NT5C1B: variants seen among roughly 807,000 people sequenced by gnomAD.
The protein encoded by NT5C1B is cytosolic 5'-nucleotidase 1B.
A neutral mutation model predicts 57.8 loss-of-function variants in NT5C1B; 44 were observed. That is an observed-to-expected ratio of 0.76 (90% confidence interval 0.60 to 0.98). The LOEUF is 0.98. Ranked by LOEUF, NT5C1B falls within the 50% of genes least tolerant of loss-of-function variation. The pLI is 0.00. For missense variants in NT5C1B, 742 were observed against 719.5 expected (o/e 1.03, Z -0.36); for synonymous variants, 284 against 282.6 (o/e 1.00, Z -0.05).
exon 9 of NT5C1B, chr2:18,563,974 A>C: frequency 6.2e-7 from 1 of 1,614,176 alleles, no homozygotes; most frequent in Non-Finnish European, 8.5e-7. Context: ...CCAGCGTCGA[A>C]GGGTCTTCAG....
In NT5C1B at chr2:18,584,316, G is replaced by T. The variant is rs1156605976; in HGVS notation, c.724-61C>A. 2 of 1,584,356 alleles carry T rather than the reference G, an allele frequency of 1.3e-6. No homozygotes were observed. The highest frequency in any genetic ancestry group is 1.7e-6 in the Non-Finnish European group (2 of 1,165,110). ...TAGCCACGAAGAGGACAGGGTTGGG[G>T]CTCCTCCAGGGTAGGGTGAGAGTAG... On this transcript the variant is annotated intron_variant, in intron 4 of 8. Transcript: ENST00000304081. The surrounding 1 kb of genome is among the most constrained non-coding windows in gnomAD (Gnocchi z 5.8).
At position 18,584,048 on chromosome 2, in the gene NT5C1B, A is replaced by C; in HGVS notation, c.891+40T>G. ...GGTTGGCCTGGGTCCCTCCCTCGCC[A>C]TCGAGTGTCCTGGCGGGCCAAAGAC... is the stretch of plus-strand genomic sequence containing the variant. On this transcript the variant is annotated intron_variant, in intron 5 of 8. Coordinates refer to ENST00000304081, the Ensembl canonical transcript of NT5C1B. This position sits in a 1 kb window ranked among gnomAD's most constrained non-coding sequence, Gnocchi z 5.8. 1 of 1,614,176 alleles carries C rather than the reference A, an allele frequency of 6.2e-7. No individual in the cohort carries two copies. The highest frequency in any genetic ancestry group is 8.5e-7 in the Non-Finnish European group (1 of 1,180,010).
chr2:18,571,718 G>GTATATATA (rs59799495), intron 8 of NT5C1B, among the ~76,000 whole-genome samples: 76 of 111,416 alleles, frequency 6.8e-4, no homozygotes, highest in East Asian at 6.2e-3. Flanking sequence ...CTGTGTGTGT[G>GTATATATA]TATATATATA....
At chr2:18,582,538 C>T (rs1216857190) in intron 6 of NT5C1B, among the ~76,000 whole-genome samples, 1 of 152,172 alleles carries the variant, frequency 6.6e-6, no homozygotes. Context: ...TTTGATCACA[C>T]AGTAAAAGCC....
rs573473586 is a variant in NT5C1B, at chr2:18,575,596, G to A, written c.1329+588C>T. Among the ~76,000 whole-genome samples the A allele has an allele frequency of 5.9e-5, 9 of 152,034 alleles. No individual in the cohort carries two copies. In the South Asian group the frequency reaches 6.2e-4, roughly 11 times the overall value. ...AAAGTTATAGGTTCTGTTCATTTTCGACCTTGATTTTAACACTTCAGTTCA... is the reference window on the plus strand; with the variant it reads ...AAAGTTATAGGTTCTGTTCATTTTCAACCTTGATTTTAACACTTCAGTTCA... On this transcript the variant is annotated intron_variant, in intron 8 of 8. Transcript: ENST00000304081.
At chr2:18,586,728 C>T in intron 2 of NT5C1B, 1 of 607,664 alleles carries the variant, frequency 1.6e-6, no homozygotes, top group Non-Finnish European at 2.8e-6. Context: ...CGAGGATAAG[C>T]CTGTTAACAG....
In NT5C1B at chr2:18,586,383, T is replaced by C. The variant is rs147993928; in HGVS notation, c.129A>G (p.Gln43=). 67 of 1,614,058 alleles carry C rather than the reference T, an allele frequency of 4.2e-5. No individual in the cohort carries two copies. The African/African-American group carries it at 8.0e-4, about 19-fold the overall frequency. Residue 43 remains glutamine (Q), a synonymous_variant, in exon 3 of 9, where the codon CAA becomes CAG. Coordinates refer to ENST00000304081, the Ensembl canonical transcript of NT5C1B. ...AGTCTGTCTTCCGCAGTGATGATTC[T>C]TGTGATCCCTGTGATGGAAAGAAGA... is the stretch of plus-strand genomic sequence containing the variant.
At chr2:18,578,840 G>T (rs962261654) in intron 6 of NT5C1B, among the ~76,000 whole-genome samples, 1 of 152,134 alleles carries the variant, frequency 6.6e-6, no homozygotes, top group African/African-American at 2.4e-5. Context: ...AATAGAAAGA[G>T]AGGAAATCAG....
intron 6 of NT5C1B, among the ~76,000 whole-genome samples, chr2:18,580,890 A>G (rs1043343425): frequency 1.3e-5 from 2 of 152,212 alleles, no homozygotes; most frequent in Non-Finnish European, 2.9e-5. Context: ...CTAAACATTG[A>G]GTACACATGG....
intron 7 of NT5C1B, 85 bp downstream of exon 7, chr2:18,576,688 C>A: frequency 6.4e-7 from 1 of 1,574,122 alleles, no homozygotes; most frequent in Non-Finnish European, 8.6e-7. Flanking sequence ...AGACCATAAG[C>A]CTCATAATCA....
At chr2:18,576,683 A>T in intron 7 of NT5C1B, 90 bp downstream of exon 7, 1 of 1,565,278 alleles carries the variant, frequency 6.4e-7, no homozygotes, top group Non-Finnish European at 8.6e-7. Flanking sequence ...CAACAAGACC[A>T]TAAGCCTCAT....
intron 6 of NT5C1B, among the ~76,000 whole-genome samples, chr2:18,579,498 C>CATCT (rs1250784263): frequency 2.0e-5 from 3 of 152,248 alleles, no homozygotes; most frequent in Admixed American, 2.0e-4. Context: ...CACCTACAAC[C>CATCT]ATCTGATCTT....
At position 18,584,175 on chromosome 2, in the gene NT5C1B, C is replaced by T; in HGVS notation, c.804G>A (p.Glu268=). 6.2e-7 allele frequency: 1 copy of T among 1,614,128 alleles called. No individual in the cohort carries two copies. Among genetic ancestry groups the T allele is most frequent in the Non-Finnish European group, 8.5e-7 (1 of 1,180,034 alleles). The change falls in exon 5 of 9, where the codon GAG becomes GAA. Residue 268 remains glutamate (E), a synonymous_variant. Coordinates refer to ENST00000304081, the Ensembl canonical transcript of NT5C1B. The surrounding 1 kb of genome is among the most constrained non-coding windows in gnomAD (Gnocchi z 5.8). The stretch of plus-strand genomic sequence containing the variant: ...CCATGTACTTTTCCAGACCCTCTTG[C>T]TCGTAGATTTTCCTGCCGTCCACCA...
chr2:18,587,242 A>G (rs1263136142), intron 2 of NT5C1B: 12 of 1,532,772 alleles, frequency 7.8e-6, no homozygotes, highest in Non-Finnish European at 1.1e-5. Context: ...TTGAACAAAG[A>G]CCAGTCTCCC....
chr2:18,585,283 G>A (rs1572381151), intron 3 of NT5C1B: 1 of 640,870 alleles, frequency 1.6e-6, no homozygotes. Flanking sequence ...GCTGACACAT[G>A]GTTTGCAAAG....
In NT5C1B at chr2:18,584,657, G is replaced by A. The variant is rs1210208948; in HGVS notation, c.580C>T (p.Pro194Ser). The A allele has an allele frequency of 6.2e-7, 1 of 1,613,130 alleles. No individual in the cohort carries two copies. The highest frequency in any genetic ancestry group is 1.1e-5 in the South Asian group (1 of 90,906). Residue 194 changes from proline to serine, a missense_variant, in exon 4 of 9, where the codon CCC (proline) becomes TCC (serine). Physicochemically the swap from Pro to Ser is moderately conservative, Grantham distance 74. Transcript: ENST00000304081. This position sits in a 1 kb window ranked among gnomAD's most constrained non-coding sequence, Gnocchi z 5.8. ...TTGCGGTCCAGCTGGGTGGAGGCGG[G>A]GTAGATCCCCCTGCGCTGGCTGGAG...
At position 18,576,819 on chromosome 2, in the gene NT5C1B, C is replaced by G. The variant is rs140510680; in HGVS notation, c.1098G>C (p.Leu366Phe). ...CTTTTTCAGAATCTGCAGCAATATACAAGTTGGTAAGATATGCCTTCAAAT... is the reference window on the plus strand; with the variant it reads ...CTTTTTCAGAATCTGCAGCAATATAGAAGTTGGTAAGATATGCCTTCAAAT... Residue 366 changes from leucine (L) to phenylalanine (F), a missense_variant, in exon 7 of 9, where the codon TTG becomes TTC. Coordinates refer to ENST00000304081, the Ensembl canonical transcript of NT5C1B. 117 of 1,613,778 alleles carry G rather than the reference C, an allele frequency of 7.3e-5. No homozygotes were observed. Among genetic ancestry groups the G allele is most frequent in the Admixed American group, 1.3e-4 (8 of 59,986 alleles).
At chr2:18,563,593 C>T (rs1261225030) in exon 9 of NT5C1B, 1 of 470,148 alleles carries the variant, frequency 2.1e-6, no homozygotes, top group Non-Finnish European at 3.7e-6. Flanking sequence ...TGGCATTCAA[C>T]AGTATTGGTA....
chr2:18,586,138 A>G lies in NT5C1B; in HGVS notation c.258+116T>C, dbSNP rs1188374038. 8.9e-6 allele frequency: 13 copies of G among 1,460,464 alleles called. No individual in the cohort carries two copies. The African/African-American group carries it at 1.7e-4, about 19-fold the overall frequency. 90.5% of individuals were successfully genotyped at this position (1,460,464 alleles called of 1,614,324 possible). On this transcript the variant is annotated intron_variant, in intron 3 of 8. Transcript: ENST00000304081. ...CAGAAGGGAGTTCTCCCAAGGGCTA[A>G]ATTAGCTAACACATGTAAAGCACAT...
Sources: gnomAD v4.1 joint callset for allele counts (sites outside exome capture counted in the v4.1 genomes callset) on GRCh38, gnomAD v4.1.1 for gene constraint, Gnocchi (gnomAD v3.1) non-coding constraint, MANE v1.5 for transcripts, NCBI Gene and HGNC (gene_info 2026-07-23, HGNC 2026-07-21) for gene names.